MAP3K8: variants seen among roughly 807,000 people sequenced by gnomAD.
The protein encoded by MAP3K8 is mitogen-activated protein kinase kinase kinase 8, also known as Ewing sarcoma transformant.
MAP3K8 carries 22 observed loss-of-function variants against 45.8 expected under a neutral mutation model. The ratio of observed to expected loss-of-function variants is 0.48; its 90% CI spans 0.34 to 0.69. The LOEUF is 0.69. Among genes scored for constraint, MAP3K8 ranks in the 30% least tolerant of loss-of-function variants. The pLI, the probability that MAP3K8 is intolerant of heterozygous loss-of-function variation, is 0.01. For synonymous variants in MAP3K8, 223 were observed against 214.3 expected (o/e 1.04, Z -0.36); for missense variants, 419 against 585.0 (o/e 0.72, Z 2.93).
rs1360456720 is a variant in MAP3K8 at position 30,461,383 on chromosome 10, A to T, written c.*547A>T. On this transcript the variant is annotated 3_prime_UTR_variant, in exon 9 of 9. Coordinates refer to ENST00000263056, the MANE Select transcript of MAP3K8 (RefSeq NM_005204.4). ...CTAGTGTCCTAAAAATGGCTAACTG[A>T]TGAATTAGAAGCCATCTGACAGCAG... The T allele has an allele frequency of 4.8e-6, 1 of 206,230 alleles. No individual in the cohort carries two copies. The highest frequency in any genetic ancestry group is 9.9e-6 in the Non-Finnish European group (1 of 100,722). 12.8% of individuals were successfully genotyped at this position (206,230 alleles called of 1,614,324 possible). A position where few individuals can be genotyped will look rare whatever the true frequency, so the allele number is the denominator to read the frequency against.
Position 30,447,812 on chromosome 10 carries a change from A to G in MAP3K8, c.367A>G (p.Ile123Val), listed in dbSNP as rs1262650142. Residue 123 changes from isoleucine to valine, a missense_variant, in exon 4 of 9, where the codon ATA (isoleucine) becomes GTA (valine). Coordinates refer to ENST00000263056, the MANE Select transcript of MAP3K8 (RefSeq NM_005204.4). Reference sequence around the variant, plus strand: ...CACTCCCCAAAATGGACGTTACCAAATAGATTCCGATGTTCTCCTGATCCC... The same window carrying G: ...CACTCCCCAAAATGGACGTTACCAAGTAGATTCCGATGTTCTCCTGATCCC... ...VITPQNGRYQ[I>V]DSDVLLIPWK... is the part of the protein sequence containing the mutation. 1.9e-6 allele frequency: 3 copies of G among 1,613,762 alleles called. No homozygotes were observed. Among genetic ancestry groups the G allele is most frequent in the South Asian group, 1.1e-5 (1 of 91,030 alleles).
intron 6 of MAP3K8, among the ~76,000 whole-genome samples, chr10:30,453,179 C>G (rs529150794): frequency 6.6e-6 from 1 of 152,194 alleles, no homozygotes; most frequent in South Asian, 2.1e-4. Context: ...TGGACTTGAA[C>G]CCAGTTCTTT....
rs115579841 is a variant in MAP3K8, at chr10:30,454,052, G to A, written c.873+2308G>A. Among the ~76,000 whole-genome samples, 1,132 of 152,218 alleles carry A rather than the reference G, an allele frequency of 7.4e-3. 6 individuals carry two copies. The highest frequency in any genetic ancestry group is 0.025 in the African/African-American group (1,037 of 41,530). ...CACAGTTGATTGTGATGGGCACAAG[G>A]TTGGATGCAAGCAGGAAGGTAAATG... On this transcript the variant is annotated intron_variant, in intron 6 of 8. Transcript: ENST00000263056.
Position 30,461,132 on chromosome 10 carries a change from C to T in MAP3K8, c.*296C>T. 1 of 306,262 alleles carries T rather than the reference C, an allele frequency of 3.3e-6. No individual in the cohort carries two copies. Among genetic ancestry groups the T allele is most frequent in the Non-Finnish European group, 6.0e-6 (1 of 165,844 alleles). The allele number at this position is 306,262 out of a possible 1,614,324, so 19.0% of individuals were successfully genotyped here. A position where few individuals can be genotyped will look rare whatever the true frequency, so the allele number is the denominator to read the frequency against. ...TGTTTCATTCACTGTGCACTTTGCT[C>T]AAAATTTTAAAAATACCAATCACAA... On this transcript the variant is annotated 3_prime_UTR_variant, in exon 9 of 9. Coordinates refer to ENST00000263056, the MANE Select transcript of MAP3K8 (RefSeq NM_005204.4).
intron 2 of MAP3K8, among the ~76,000 whole-genome samples, 197 bp downstream of exon 2, chr10:30,437,603 G>A (rs576291686): frequency 1.3e-5 from 2 of 152,304 alleles, no homozygotes; most frequent in East Asian, 1.9e-4. Context: ...CAATTCATAC[G>A]TCAGAAAATG....
chr10:30,457,719 C>A (rs1836784981), intron 6 of MAP3K8, among the ~76,000 whole-genome samples: 1 of 152,128 alleles, frequency 6.6e-6, no homozygotes, highest in African/African-American at 2.4e-5. Flanking sequence ...GATCTCGGCT[C>A]ACAGCAGCCT....
intron 8 of MAP3K8, 25 bp from the exon 9 acceptor site, chr10:30,460,681 T>C: frequency 6.3e-7 from 1 of 1,587,274 alleles, no homozygotes; most frequent in African/African-American, 1.4e-5. Flanking sequence ...TCTTGTTACT[T>C]ACTTTGTAAT....
intron 3 of MAP3K8, among the ~76,000 whole-genome samples, chr10:30,441,126 CTT>C (rs1007944734): frequency 2.6e-4 from 40 of 151,494 alleles, no homozygotes; most frequent in African/African-American, 9.5e-4. Flanking sequence ...GTCCTGTGCT[CTT>C]TAAAAGAACA....
At chr10:30,443,867 C>T (rs1162931469) in intron 3 of MAP3K8, among the ~76,000 whole-genome samples, 2 of 152,096 alleles carry the variant, frequency 1.3e-5, no homozygotes, top group Non-Finnish European at 1.5e-5. Context: ...GAAGAACTGG[C>T]AGAGATAAGC....
rs1174356467 is a variant in MAP3K8, at chr10:30,446,875, A to G, written c.337-907A>G. ...GAAACCCACATTGCTGTCAGAATAGACCTCTTAATTCTTGTTTTATTATTT... is the reference window on the plus strand; with the variant it reads ...GAAACCCACATTGCTGTCAGAATAGGCCTCTTAATTCTTGTTTTATTATTT... On this transcript the variant is annotated intron_variant, in intron 3 of 8. Transcript: ENST00000263056. Among the ~76,000 whole-genome samples, 4 of 151,856 alleles carry G rather than the reference A, an allele frequency of 2.6e-5. No homozygotes were observed. In the East Asian group the frequency reaches 7.7e-4, roughly 29 times the overall value.
chr10:30,437,527 G>A (rs1435870823), intron 2 of MAP3K8, 121 bp downstream of exon 2: 1 of 154,024 alleles, frequency 6.5e-6, no homozygotes, highest in African/African-American at 2.4e-5. Context: ...AATGAGATTT[G>A]ACTCCAAGCA....
intron 1 of MAP3K8, chr10:30,434,817 C>T: frequency 1.0e-6 from 1 of 971,738 alleles, no homozygotes. Context: ...ATTTATAAGC[C>T]TTTTAGGCTC....
chr10:30,451,056 C>G (rs1836520581), intron 5 of MAP3K8, among the ~76,000 whole-genome samples: 2 of 148,646 alleles, frequency 1.3e-5, no homozygotes, highest in Non-Finnish European at 1.5e-5. Context: ...GGCGCCATTG[C>G]TCTCCCAGCC....
In MAP3K8 at chr10:30,447,866, T is replaced by C; in HGVS notation, c.421T>C (p.Ser141Pro). The C allele has an allele frequency of 1.2e-6, 2 of 1,613,680 alleles. No homozygotes were observed. The highest frequency in any genetic ancestry group is 2.7e-5 in the African/African-American group (2 of 75,002). The change falls in exon 4 of 9, where the codon TCT becomes CCT. Residue 141 changes from serine (S) to proline (P), a missense_variant. Physicochemically the swap from Ser to Pro is moderately conservative, Grantham distance 74. Coordinates refer to ENST00000263056, the MANE Select transcript of MAP3K8 (RefSeq NM_005204.4). Reference sequence around the variant, plus strand: ...GAAGCTGACTTACAGGAATATTGGTTCTGATTTTATTCCTCGGGGCGCCTT... The same window carrying C: ...GAAGCTGACTTACAGGAATATTGGTCCTGATTTTATTCCTCGGGGCGCCTT... The part of the protein sequence containing the change: ...PWKLTYRNIG[S>P]DFIPRGAFGK...
At chr10:30,457,677 G>A (rs1172304224) in intron 6 of MAP3K8, among the ~76,000 whole-genome samples, 4 of 152,070 alleles carry the variant, frequency 2.6e-5, no homozygotes, top group Admixed American at 6.5e-5. Flanking sequence ...ACTGAGTCTC[G>A]CTCTGTCTCC....
intron 3 of MAP3K8, among the ~76,000 whole-genome samples, chr10:30,445,912 G>T (rs1048198226): frequency 6.6e-6 from 1 of 152,192 alleles, no homozygotes; most frequent in Non-Finnish European, 1.5e-5. Flanking sequence ...TGACTGAATG[G>T]CCCTTACAGT....
chr10:30,455,115 T>C (rs1010321289), intron 6 of MAP3K8, among the ~76,000 whole-genome samples: 8 of 152,208 alleles, frequency 5.3e-5, no homozygotes, highest in Admixed American at 2.6e-4. Flanking sequence ...CAGGTTTTTT[T>C]TGGCAAATGC....
Position 30,459,335 on chromosome 10 carries a change from G to A in MAP3K8, c.1107G>A (p.Leu369=). 6.2e-7 allele frequency: 1 copy of A among 1,614,140 alleles called. No homozygotes were observed. The highest frequency in any genetic ancestry group is 1.3e-5 in the African/African-American group (1 of 75,022). ...TGAGAGAGCTGATAGAAGCTTCCCTGGAGAGAAACCCCAATCACCGCCCAA... is the reference window on the plus strand; with the variant it reads ...TGAGAGAGCTGATAGAAGCTTCCCTAGAGAGAAACCCCAATCACCGCCCAA... ...PGMRELIEAS[L]ERNPNHRPRA... The change falls in exon 8 of 9, where the codon CTG becomes CTA. Residue 369 remains leucine, a synonymous_variant. Transcript: ENST00000263056.
At chr10:30,457,816 T>A (rs1836789150) in intron 6 of MAP3K8, among the ~76,000 whole-genome samples, 1 of 152,066 alleles carries the variant, frequency 6.6e-6, no homozygotes, top group African/African-American at 2.4e-5. Flanking sequence ...CCAGCTGATT[T>A]TTGTATTTTT....
Sources: gnomAD v4.1 joint callset for allele counts (sites outside exome capture counted in the v4.1 genomes callset) on GRCh38, gnomAD v4.1.1 for gene constraint, MANE v1.5 for transcripts, NCBI Gene and HGNC (gene_info 2026-07-23, HGNC 2026-07-21) for gene names.